Variants in TRIM42 observed in about 807,000 individuals in gnomAD.
TRIM42 encodes the protein tripartite motif containing 42.
A neutral mutation model predicts 64.9 loss-of-function variants in TRIM42; 59 were observed. The ratio of observed to expected loss-of-function variants is 0.91; its 90% CI spans 0.74 to 1.13. The LOEUF is 1.13. Among genes scored for constraint, TRIM42 ranks in the 50% most tolerant of loss-of-function variants. The probability of loss-of-function intolerance (pLI) is 0.00; values close to 1 mark genes in which losing one functional copy is unlikely to be tolerated. For synonymous variants in TRIM42, 354 were observed against 346.3 expected, an observed-to-expected ratio of 1.02 and a Z score of -0.25; for missense variants, 878 against 929.5, an observed-to-expected ratio of 0.94 and a Z score of 0.72.
At chr3:140,686,073 C>T (rs1988538401) in intron 2 of TRIM42, among the ~76,000 whole-genome samples, 1 of 152,138 alleles carries the variant, frequency 6.6e-6, no homozygotes, top group Non-Finnish European at 1.5e-5. Flanking sequence ...CTTTTTTCTC[C>T]TCCTGGAGAT....
chr3:140,684,717 T>C (rs933124187), intron 2 of TRIM42, among the ~76,000 whole-genome samples: 1 of 152,234 alleles, frequency 6.6e-6, no homozygotes, highest in South Asian at 2.1e-4. Context: ...AAAGGAACCC[T>C]GCAGGAACCA....
rs536072850 is a variant in TRIM42 at position 140,690,133 on chromosome 3, T to A, written c.1861-835T>A. Among the ~76,000 whole-genome samples the A allele has an allele frequency of 9.2e-5, 14 of 152,316 alleles. 1 individual carries two copies. In the South Asian group the frequency reaches 2.7e-3, roughly 29 times the overall value. Reference sequence around the variant, plus strand: ...TGGAATGGACTTCATACAGGAATCATAGTGCTTAGCAATGCAGAAGATTAA... The same window carrying A: ...TGGAATGGACTTCATACAGGAATCAAAGTGCTTAGCAATGCAGAAGATTAA... On this transcript the variant is annotated intron_variant, in intron 3 of 4. Coordinates refer to ENST00000286349, the MANE Select transcript of TRIM42 (RefSeq NM_152616.5).
chr3:140,683,210 G>A (rs572519023), intron 2 of TRIM42, 51 bp downstream of exon 2: 1 of 1,582,318 alleles, frequency 6.3e-7, no homozygotes, highest in East Asian at 2.2e-5. Flanking sequence ...AGGAACACAT[G>A]GGGAAGATGG....
At position 140,688,545 on chromosome 3, in the gene TRIM42, A is replaced by G. The variant is rs769253420; in HGVS notation, c.1860+3A>G. The G allele has an allele frequency of 4.4e-6, 7 of 1,601,324 alleles. No homozygotes were observed. The African/African-American group carries it at 8.0e-5, about 18-fold the overall frequency. ...TGGTGTACCCAAGAGCTGCCAAGGT[A>G]AGAAAGGTTCTGGGCCCAGTGGGGA... On this transcript the variant is annotated splice_donor_region_variant and intron_variant, in intron 3 of 4. Coordinates refer to ENST00000286349, the MANE Select transcript of TRIM42 (RefSeq NM_152616.5).
At chr3:140,698,553 C>T (rs1289883173) in intron 4 of TRIM42, among the ~76,000 whole-genome samples, 1 of 152,090 alleles carries the variant, frequency 6.6e-6, no homozygotes, top group Non-Finnish European at 1.5e-5. Flanking sequence ...AATTTGCCTG[C>T]CTGTAGTAAT....
Position 140,683,242 on chromosome 3 carries a change from A to G in TRIM42, c.1039+83A>G. 3 of 1,420,538 alleles carry G rather than the reference A, an allele frequency of 2.1e-6. No individual in the cohort carries two copies. In the Admixed American group the frequency reaches 5.4e-5, roughly 26 times the overall value. The allele number at this position is 1,420,538 out of a possible 1,614,324, so 88.0% of individuals were successfully genotyped here. On this transcript the variant is annotated intron_variant, in intron 2 of 4. Transcript: ENST00000286349. ...ATGGCGTGGGGTAATCTGTTAAGTG[A>G]GTGCCTTAACAGATTCCACCTAGTG...
chr3:140,682,708 C>T lies in TRIM42; in HGVS notation c.588C>T (p.Cys196=), dbSNP rs765476462. ...LICPVCDRSH[C]MPYSNKMQLP... is the part of the protein sequence containing the mutation. Reference sequence around the variant, plus strand: ...GCCCAGTGTGCGACCGCTCGCACTGCATGCCCTACAGCAACAAGATGCAGC... The same window carrying T: ...GCCCAGTGTGCGACCGCTCGCACTGTATGCCCTACAGCAACAAGATGCAGC... The change falls in exon 2 of 5, where the codon TGC becomes TGT. Residue 196 remains cysteine (C), a synonymous_variant. Coordinates refer to ENST00000286349, the MANE Select transcript of TRIM42 (RefSeq NM_152616.5). 1.2e-6 allele frequency: 2 copies of T among 1,612,744 alleles called. No homozygotes were observed. Among genetic ancestry groups the T allele is most frequent in the Non-Finnish European group, 1.7e-6 (2 of 1,180,028 alleles).
At chr3:140,687,043 C>T (rs767994119) in intron 2 of TRIM42, among the ~76,000 whole-genome samples, 2 of 152,240 alleles carry the variant, frequency 1.3e-5, no homozygotes, top group East Asian at 3.9e-4. Flanking sequence ...ACTGAGTGAA[C>T]TTAAAATCCA....
chr3:140,700,501 T>A (rs1245845867), intron 4 of TRIM42, among the ~76,000 whole-genome samples: 1 of 152,070 alleles, frequency 6.6e-6, no homozygotes, highest in Non-Finnish European at 1.5e-5. Flanking sequence ...TCAAATGCAT[T>A]AGCTGAAACT....
At chr3:140,683,211 G>A (rs1336670251) in intron 2 of TRIM42, 52 bp downstream of exon 2, 1 of 1,582,588 alleles carries the variant, frequency 6.3e-7, no homozygotes, top group Non-Finnish European at 8.7e-7. Context: ...GGAACACATG[G>A]GGAAGATGGC....
At chr3:140,686,987 A>G (rs1988560181) in intron 2 of TRIM42, among the ~76,000 whole-genome samples, 1 of 152,208 alleles carries the variant, frequency 6.6e-6, no homozygotes, top group African/African-American at 2.4e-5. Flanking sequence ...TAGTGCCTAA[A>G]AGATACATGG....
rs151179738 is a variant in TRIM42 at position 140,683,030 on chromosome 3, A to G, written c.910A>G (p.Asn304Asp). The G allele has an allele frequency of 3.0e-5, 49 of 1,614,062 alleles. No homozygotes were observed. The highest frequency in any genetic ancestry group is 4.0e-5 in the Non-Finnish European group (47 of 1,180,030). ...PSSRIIEYCR[N>D]DNKLLCTFCK... ...CAGCCGCATCATCGAGTACTGCCGC[A>G]ATGACAACAAATTGCTCTGCACCTT... is the stretch of plus-strand genomic sequence containing the variant. The change falls in exon 2 of 5, where the codon AAT becomes GAT. Residue 304 changes from asparagine to aspartate, a missense_variant. Asn to Asp is a conservative substitution (Grantham distance 23). Transcript: ENST00000286349.
At chr3:140,696,496 T>G (rs1443545439) in intron 4 of TRIM42, among the ~76,000 whole-genome samples, 2 of 152,214 alleles carry the variant, frequency 1.3e-5, no homozygotes, top group Non-Finnish European at 2.9e-5. Flanking sequence ...TATGTCACCT[T>G]ATGGACACCA....
At chr3:140,693,911 TC>T (rs1342115306) in intron 4 of TRIM42, among the ~76,000 whole-genome samples, 1 of 152,202 alleles carries the variant, frequency 6.6e-6, no homozygotes, top group Non-Finnish European at 1.5e-5. Context: ...TTATCACTAA[TC>T]ATCCCAACCA....
chr3:140,698,609 T>C (rs906419251), intron 4 of TRIM42, among the ~76,000 whole-genome samples: 5 of 151,376 alleles, frequency 3.3e-5, no homozygotes, highest in African/African-American at 1.2e-4. Flanking sequence ...TTGCATACCA[T>C]AAATAAATAA....
chr3:140,690,236 A>G (rs539945313), intron 3 of TRIM42, among the ~76,000 whole-genome samples: 17 of 152,254 alleles, frequency 1.1e-4, no homozygotes, highest in Admixed American at 4.6e-4. Flanking sequence ...GTACCTTTTC[A>G]ATATGTATTG....
chr3:140,684,277 C>A (rs1988493805), intron 2 of TRIM42, among the ~76,000 whole-genome samples: 2 of 152,174 alleles, frequency 1.3e-5, no homozygotes, highest in Non-Finnish European at 2.9e-5. Context: ...ATTAATTCCA[C>A]AATATTCATT....
chr3:140,678,186 G>A lies in TRIM42; in HGVS notation c.-44G>A, dbSNP rs138161670. ...CTGATAGCAGTATTCTGGTAGAGGA[G>A]GCATCAAGAGTCCTGGGAGGCCGGT... On this transcript the variant is annotated 5_prime_UTR_variant, in exon 1 of 5. Transcript: ENST00000286349. 114 of 1,516,774 alleles carry A rather than the reference G, an allele frequency of 7.5e-5. 1 individual carries two copies. Among genetic ancestry groups the A allele is most frequent in the Non-Finnish European group, 9.5e-5 (104 of 1,099,734 alleles). 94.0% of individuals were successfully genotyped at this position (1,516,774 alleles called of 1,614,324 possible).
intron 4 of TRIM42, among the ~76,000 whole-genome samples, chr3:140,692,558 C>CAA: frequency 1.4e-5 from 2 of 144,854 alleles, no homozygotes; most frequent in African/African-American, 5.1e-5. Flanking sequence ...CACACACACA[C>CAA]ACACAGAGAG....
Sources: gnomAD v4.1 joint callset for allele counts (sites outside exome capture counted in the v4.1 genomes callset) on GRCh38, gnomAD v4.1.1 for gene constraint, MANE v1.5 for transcripts, NCBI Gene and HGNC (gene_info 2026-07-23, HGNC 2026-07-21) for gene names.